Variants in PTK2 observed in about 807,000 individuals in gnomAD.
PTK2 encodes protein tyrosine kinase 2, also known as focal adhesion kinase 1.
Under a neutral mutation model 150.1 loss-of-function variants are expected in PTK2, and 45 were observed. The observed-to-expected ratio is 0.30, with a 90% confidence interval of 0.24 to 0.38. The LOEUF is 0.38. Ranked by LOEUF, PTK2 falls within the 10% of genes least tolerant of loss-of-function variation. The pLI is 1.00. For missense variants in PTK2, 919 were observed against 1,307.3 expected (o/e 0.70, Z 4.58); for synonymous variants, 432 against 449.2 (o/e 0.96, Z 0.48).
intron 5 of PTK2, among the ~76,000 whole-genome samples, chr8:140,852,301 A>T (rs1216915651): frequency 6.6e-6 from 1 of 152,226 alleles, no homozygotes; most frequent in Non-Finnish European, 1.5e-5. Context: ...AGTGCTTGCT[A>T]GAGTTAGGGA....
At chr8:140,705,603 A>T (rs138261472) in intron 24 of PTK2, among the ~76,000 whole-genome samples, 5 of 152,248 alleles carry the variant, frequency 3.3e-5, no homozygotes, top group Middle Eastern at 6.3e-3. Flanking sequence ...GGTATACCCC[A>T]GTAAAAGTTA....
At chr8:140,818,761 A>G in intron 9 of PTK2, 119 bp downstream of exon 9, 2 of 1,137,808 alleles carry the variant, frequency 1.8e-6, no homozygotes, top group Non-Finnish European at 2.5e-6. Context: ...AAAAAATATC[A>G]TTTTATTGAA....
chr8:140,761,478 T>C (rs560606840), intron 15 of PTK2, among the ~76,000 whole-genome samples: 1 of 152,276 alleles, frequency 6.6e-6, no homozygotes, highest in East Asian at 1.9e-4. Flanking sequence ...AAACAATGAG[T>C]TCTACTAAAG....
chr8:140,884,254 G>A (rs1600521181), intron 3 of PTK2, among the ~76,000 whole-genome samples: 2 of 152,060 alleles, frequency 1.3e-5, no homozygotes, highest in East Asian at 3.9e-4. Context: ...TCAGGATTTT[G>A]AATTCAAAAT....
rs188063001 is a variant in PTK2, at chr8:140,976,172, T to C, written c.-122+24953A>G. ...ACATGACTAAAGGCAGAGCCAATAT[T>C]TGAAGTTGGGTCTTGTTTCTTAGAT... is the stretch of plus-strand genomic sequence containing the variant. On this transcript the variant is annotated intron_variant, in intron 1 of 31. Transcript: ENST00000522684. Among the ~76,000 whole-genome samples, 22 of 152,324 alleles carry C rather than the reference T, an allele frequency of 1.4e-4. No individual in the cohort carries two copies. In the East Asian group the frequency reaches 3.7e-3, roughly 25 times the overall value.
chr8:140,687,465 T>C (rs1165001177), intron 26 of PTK2, among the ~76,000 whole-genome samples: 1 of 152,188 alleles, frequency 6.6e-6, no homozygotes, highest in East Asian at 1.9e-4. Context: ...GCCTGTGCCT[T>C]ACAGATACCT....
At position 140,681,605 on chromosome 8, in the gene PTK2, G is replaced by A. The variant is rs893736508; in HGVS notation, c.2562+5027C>T. ...ATCCCGGCTAACACAGTGAAACACC[G>A]TCTCTACTAAAAATACAAAAAATTA... is the stretch of plus-strand genomic sequence containing the variant. On this transcript the variant is annotated intron_variant, in intron 27 of 31. Coordinates refer to ENST00000522684, the Ensembl canonical transcript of PTK2. 3.9e-5 allele frequency among the ~76,000 whole-genome samples: 6 copies of A among 151,996 alleles called. No homozygotes were observed. The South Asian group carries it at 8.3e-4, about 21-fold the overall frequency.
chr8:140,682,668 C>T (rs1307699756), intron 27 of PTK2, among the ~76,000 whole-genome samples: 6 of 148,810 alleles, frequency 4.0e-5, no homozygotes, highest in African/African-American at 1.5e-4. Context: ...ACACCAACCA[C>T]ACTCTAGGAC....
chr8:140,927,578 G>A (rs1158361735), intron 1 of PTK2, among the ~76,000 whole-genome samples: 1 of 152,136 alleles, frequency 6.6e-6, no homozygotes, highest in African/African-American at 2.4e-5. Context: ...GCATTTCTCA[G>A]CTAAAAGTGA....
intron 1 of PTK2, among the ~76,000 whole-genome samples, chr8:140,950,270 A>C (rs574410716): frequency 3.3e-5 from 5 of 152,224 alleles, no homozygotes; most frequent in Non-Finnish European, 7.4e-5. Flanking sequence ...CAACGAGCAG[A>C]GGAGAATCCC....
intron 8 of PTK2, among the ~76,000 whole-genome samples, chr8:140,819,969 A>G (rs974367872): frequency 2.6e-5 from 4 of 151,834 alleles, no homozygotes; most frequent in Admixed American, 2.0e-4. Context: ...GGTCTAATGA[A>G]GAGGGGCAAG....
At chr8:140,778,373 C>A (rs972095202) in intron 14 of PTK2, among the ~76,000 whole-genome samples, 6 of 152,214 alleles carry the variant, frequency 3.9e-5, no homozygotes, top group African/African-American at 1.4e-4. Flanking sequence ...ACTGCTTGAA[C>A]CCGGGAAGCG....
chr8:140,985,694 G>A (rs965903955), intron 1 of PTK2, among the ~76,000 whole-genome samples: 1 of 152,196 alleles, frequency 6.6e-6, no homozygotes, highest in African/African-American at 2.4e-5. Flanking sequence ...ACTTTGCACA[G>A]CACTATGACT....
chr8:140,988,360 A>G (rs13439262), intron 1 of PTK2, among the ~76,000 whole-genome samples: 3,670 of 152,256 alleles, frequency 0.024, 158 homozygotes, highest in African/African-American at 0.085. Context: ...ATGAGATAAG[A>G]CTTATTATAA....
intron 1 of PTK2, among the ~76,000 whole-genome samples, chr8:140,993,594 T>C (rs1031190226): frequency 8.5e-5 from 13 of 152,282 alleles, no homozygotes; most frequent in African/African-American, 2.4e-4. Flanking sequence ...GACAAACATA[T>C]AGTGTTTTGG....
exon 9 of PTK2, chr8:140,818,988 T>A: frequency 2.5e-6 from 4 of 1,613,448 alleles, no homozygotes; most frequent in Non-Finnish European, 3.4e-6. Flanking sequence ...ATTGTCTAAA[T>A]GTTTGTTGGA....
At chr8:140,907,576 CA>C (rs1242702876) in intron 2 of PTK2, among the ~76,000 whole-genome samples, 6 of 151,918 alleles carry the variant, frequency 3.9e-5, no homozygotes, top group Non-Finnish European at 7.4e-5. Context: ...ACAACAACAA[CA>C]AAAAACAAAG....
intron 1 of PTK2, among the ~76,000 whole-genome samples, chr8:140,939,015 A>G (rs1191791910): frequency 1.3e-5 from 2 of 152,046 alleles, no homozygotes; most frequent in Non-Finnish European, 2.9e-5. Context: ...TTTTTGCATA[A>G]AAAGTCACAC....
At chr8:140,963,992 T>G (rs755213577) in intron 1 of PTK2, among the ~76,000 whole-genome samples, 25 of 152,152 alleles carry the variant, frequency 1.6e-4, no homozygotes, top group Non-Finnish European at 1.6e-4. Flanking sequence ...TCAACTTCCC[T>G]TAATGTGCCA....
Sources: gnomAD v4.1 joint callset for allele counts (sites outside exome capture counted in the v4.1 genomes callset) on GRCh38, gnomAD v4.1.1 for gene constraint, MANE v1.5 for transcripts, NCBI Gene and HGNC (gene_info 2026-07-23, HGNC 2026-07-21) for gene names.